CPNE7: variants seen among roughly 807,000 people sequenced by gnomAD.
CPNE7 encodes copine-7.
A neutral mutation model predicts 66.5 loss-of-function variants in CPNE7; 78 were observed. The observed-to-expected ratio is 1.17, with a 90% CI of 0.98 to 1.42. The LOEUF (loss-of-function observed/expected upper bound fraction) is 1.42, where lower values mean the gene tolerates loss of function less well. Among genes scored for constraint, CPNE7 ranks in the 40% most tolerant of loss-of-function variants. The pLI, the probability that CPNE7 is intolerant of heterozygous loss-of-function variation, is 0.00. For synonymous variants in CPNE7, 468 were observed against 336.7 expected (o/e 1.39, Z -4.27); for missense variants, 1,012 against 776.6 (o/e 1.30, Z -3.60).
intron 2 of CPNE7, among the ~76,000 whole-genome samples, chr16:89,578,511 G>T (rs1408992866): frequency 1.3e-5 from 2 of 152,144 alleles, no homozygotes; most frequent in Non-Finnish European, 2.9e-5. Flanking sequence ...TGTGATCCCA[G>T]CACTGTGGGA....
At chr16:89,588,206 G>GTGTGTCACCCACAGATACACGGCCCC (rs1567961845) in intron 9 of CPNE7, among the ~76,000 whole-genome samples, 1 of 21,146 alleles carries the variant, frequency 4.7e-5, no homozygotes, top group Non-Finnish European at 1.0e-4. Context: ...CGTGTCACCC[G>GTGTGTCACCCACAGATACACGGCCCC]CGTGTCACCC....
Position 89,584,847 on chromosome 16 carries a change from A to G in CPNE7, c.581A>G (p.Tyr194Cys). The change falls in exon 5 of 15, where the codon TAC becomes TGC. Residue 194 changes from tyrosine to cysteine, a missense_variant. Coordinates refer to ENST00000319518, the MANE Select transcript of CPNE7 (RefSeq NM_153636.3). The surrounding 1 kb of genome is among the most constrained non-coding windows in gnomAD (Gnocchi z 6.0). ...VNDDQGLQLV[Y>C]RTEVVKNNLN... ...GACGACCAGGGCTTGCAGCTGGTGT[A>G]CAGGACGGAGGTGAGCGGCCGGGGA... The G allele has an allele frequency of 6.2e-7, 1 of 1,613,388 alleles. No individual in the cohort carries two copies. The highest frequency in any genetic ancestry group is 2.2e-5 in the East Asian group (1 of 44,876).
rs376170302 is a variant in CPNE7, at chr16:89,590,352, C to G, written c.1116+401C>G. Among the ~76,000 whole-genome samples, 82 of 152,176 alleles carry G rather than the reference C, an allele frequency of 5.4e-4. 1 individual carries two copies. Among genetic ancestry groups the G allele is most frequent in the African/African-American group, 1.6e-3 (65 of 41,520 alleles). ...CCAGCCTGGCCATCATGGTGAAACC[C>G]CATCTCTACCAAAAATACAAAAATT... On this transcript the variant is annotated intron_variant, in intron 11 of 14. Coordinates refer to ENST00000319518, the MANE Select transcript of CPNE7 (RefSeq NM_153636.3).
chr16:89,592,571 T>G (rs1049991302), intron 13 of CPNE7, among the ~76,000 whole-genome samples: 26 of 149,334 alleles, frequency 1.7e-4, no homozygotes, highest in African/African-American at 6.5e-4. Flanking sequence ...GCCTCCCGAG[T>G]AGCTGGGATT....
In CPNE7 at chr16:89,584,881, CAG is replaced by C. The variant is rs756712449; in HGVS notation, c.591+25_591+26del. The C allele has an allele frequency of 1.2e-6, 2 of 1,602,354 alleles. No homozygotes were observed. Among genetic ancestry groups the C allele is most frequent in the East Asian group, 2.2e-5 (1 of 44,848 alleles). Reference sequence around the variant, plus strand: ...AGGTGAGCGGCCGGGGATGGGAACACAGGGAGGGGAAGGGGCTGTCCCCAGCC... The same window carrying C: ...AGGTGAGCGGCCGGGGATGGGAACACGGAGGGGAAGGGGCTGTCCCCAGCC... On this transcript the variant is annotated intron_variant, in intron 5 of 14. Coordinates refer to ENST00000319518, the MANE Select transcript of CPNE7 (RefSeq NM_153636.3). The surrounding 1 kb of genome is among the most constrained non-coding windows in gnomAD (Gnocchi z 6.0).
rs539562266 is a variant in CPNE7, at chr16:89,591,541, A to G, written c.1302+281A>G. Among the ~76,000 whole-genome samples the G allele has an allele frequency of 3.6e-3, 546 of 152,178 alleles. 2 individuals carry two copies. Among genetic ancestry groups the G allele is most frequent in the Non-Finnish European group, 6.2e-3 (420 of 67,980 alleles). Reference sequence around the variant, plus strand: ...CTCTGGGCACCACAAGGCCGCGCACATGTCTACTGTTTGGCTGTGTGTGTA... The same window carrying G: ...CTCTGGGCACCACAAGGCCGCGCACGTGTCTACTGTTTGGCTGTGTGTGTA... On this transcript the variant is annotated intron_variant, in intron 13 of 14. Coordinates refer to ENST00000319518, the MANE Select transcript of CPNE7 (RefSeq NM_153636.3).
At chr16:89,587,405 C>T (rs1346884121) in intron 9 of CPNE7, among the ~76,000 whole-genome samples, 2 of 126,178 alleles carry the variant, frequency 1.6e-5, no homozygotes, top group African/African-American at 6.1e-5. Context: ...CTGGCGGTTC[C>T]CCGTGAGCCG....
chr16:89,589,433 C>G (rs1027532565), intron 10 of CPNE7, among the ~76,000 whole-genome samples: 3 of 152,190 alleles, frequency 2.0e-5, no homozygotes, highest in Non-Finnish European at 4.4e-5. Flanking sequence ...GGGGCTCACC[C>G]GCGTATGCTT....
rs28558317 is a variant in CPNE7 at position 89,591,793 on chromosome 16, G to A, written c.1302+533G>A. Among the ~76,000 whole-genome samples the A allele has an allele frequency of 5.3e-3, 798 of 150,966 alleles. 9 individuals are homozygous for A. The highest frequency in any genetic ancestry group is 0.018 in the African/African-American group (743 of 41,022). On this transcript the variant is annotated intron_variant, in intron 13 of 14. Coordinates refer to ENST00000319518, the MANE Select transcript of CPNE7 (RefSeq NM_153636.3). ...CAGCTCACTGCAACCTCTGCTTCCC[G>A]GGGTTCACGCCATTCTCCTGCCTCA...
chr16:89,579,433 C>T (rs2058912379), intron 2 of CPNE7, among the ~76,000 whole-genome samples: 1 of 151,952 alleles, frequency 6.6e-6, no homozygotes, highest in Non-Finnish European at 1.5e-5. Context: ...CACAGAACAT[C>T]CCTTCACCCC....
chr16:89,596,073 A>T, intron 14 of CPNE7: 1 of 447,832 alleles, frequency 2.2e-6, no homozygotes, highest in East Asian at 5.2e-5. Context: ...ATAGATGTGA[A>T]GTTCTACACA....
At chr16:89,583,887 C>A in intron 3 of CPNE7, 116 bp downstream of exon 3, 1 of 1,432,520 alleles carries the variant, frequency 7.0e-7, no homozygotes, top group Non-Finnish European at 9.6e-7. Context: ...CAGGAGCCGG[C>A]AGCTACACAG....
At position 89,586,987 on chromosome 16, in the gene CPNE7, T is replaced by G; in HGVS notation, c.868-56T>G. On this transcript the variant is annotated intron_variant, in intron 8 of 14. Coordinates refer to ENST00000319518, the MANE Select transcript of CPNE7 (RefSeq NM_153636.3). Reference sequence around the variant, plus strand: ...GCGGGAGGCAGGCCTGGATCCCAGCTGGCACTGGCCTCAGTGTCCCTGGCG... The same window carrying G: ...GCGGGAGGCAGGCCTGGATCCCAGCGGGCACTGGCCTCAGTGTCCCTGGCG... 8 of 1,514,946 alleles carry G rather than the reference T, an allele frequency of 5.3e-6. No individual in the cohort carries two copies. In the South Asian group the frequency reaches 9.5e-5, roughly 18 times the overall value. 93.8% of individuals were successfully genotyped at this position (1,514,946 alleles called of 1,614,324 possible). A position where few individuals can be genotyped will look rare whatever the true frequency, so the allele number is the denominator to read the frequency against.
At chr16:89,580,905 T>A (rs2058945760) in intron 2 of CPNE7, among the ~76,000 whole-genome samples, 1 of 120,648 alleles carries the variant, frequency 8.3e-6, no homozygotes, top group African/African-American at 3.4e-5. Context: ...GAACATCCCA[T>A]CACCCGTCAC....
chr16:89,596,430 G>A lies in CPNE7; in HGVS notation c.1540-54G>A, dbSNP rs183454573. The A allele has an allele frequency of 5.1e-5, 80 of 1,558,416 alleles. No individual in the cohort carries two copies. The African/African-American group carries it at 8.1e-4, about 16-fold the overall frequency. The stretch of plus-strand genomic sequence containing the variant: ...TGGGCCATAATCCAGTTGCAGGGAC[G>A]GATGATCTCCATCTCGAAGGTCCCA... On this transcript the variant is annotated intron_variant, in intron 14 of 14. Coordinates refer to ENST00000319518, the MANE Select transcript of CPNE7 (RefSeq NM_153636.3).
Position 89,589,967 on chromosome 16 carries a change from A to G in CPNE7, c.1116+16A>G, listed in dbSNP as rs190699880. 290 of 1,613,242 alleles carry G rather than the reference A, an allele frequency of 1.8e-4. No individual in the cohort carries two copies. The highest frequency in any genetic ancestry group is 6.3e-4 in the Admixed American group (38 of 59,982). On this transcript the variant is annotated intron_variant, in intron 11 of 14. Transcript: ENST00000319518. ...CAAGTATGAGGTAGGAGAGCCCAGA[A>G]CCTGAGACCTCAGAGCTGTGCCCTT...
At chr16:89,595,060 C>T (rs568826896) in intron 13 of CPNE7, among the ~76,000 whole-genome samples, 1 of 152,200 alleles carries the variant, frequency 6.6e-6, no homozygotes, top group East Asian at 1.9e-4. Flanking sequence ...TGGCCTCAGA[C>T]CTCCCATCCA....
chr16:89,578,365 C>CT (rs1197671656), intron 2 of CPNE7, among the ~76,000 whole-genome samples: 1 of 152,112 alleles, frequency 6.6e-6, no homozygotes, highest in Non-Finnish European at 1.5e-5. Flanking sequence ...GCCCAGCCCA[C>CT]TTTTCCTCTT....
intron 13 of CPNE7, among the ~76,000 whole-genome samples, chr16:89,595,066 A>G (rs971643207): frequency 3.3e-5 from 5 of 152,038 alleles, no homozygotes; most frequent in African/African-American, 1.2e-4. Flanking sequence ...CAGACCTCCC[A>G]TCCAGGCACT....
Sources: gnomAD v4.1 joint callset for allele counts (sites outside exome capture counted in the v4.1 genomes callset) on GRCh38, gnomAD v4.1.1 for gene constraint, Gnocchi (gnomAD v3.1) non-coding constraint, MANE v1.5 for transcripts, NCBI Gene and HGNC (gene_info 2026-07-23, HGNC 2026-07-21) for gene names.